The following SYNPR variants were observed in gnomAD, a reference collection of about 807,000 sequenced individuals.
SYNPR encodes the protein synaptoporin.
SYNPR carries 23 observed loss-of-function variants against 32.9 expected under a neutral mutation model. The ratio of observed to expected loss-of-function variants is 0.70; its 90% CI spans 0.50 to 0.99. The LOEUF is 0.99. SYNPR is among the 50% of genes least tolerant of loss of function. The pLI, the probability that SYNPR is intolerant of heterozygous loss-of-function variation, is 0.00. For missense variants in SYNPR, 318 were observed against 349.3 expected (o/e 0.91, Z 0.71); for synonymous variants, 146 against 135.9 (o/e 1.07, Z -0.52).
intron 2 of SYNPR, among the ~76,000 whole-genome samples, chr3:63,254,190 G>T (rs2086362420): frequency 6.6e-6 from 1 of 152,094 alleles, no homozygotes; most frequent in Non-Finnish European, 1.5e-5. Context: ...AGAGGGAAGG[G>T]ATAGCATTAG....
chr3:63,441,153 G>T (rs1700162879), intron 2 of SYNPR, among the ~76,000 whole-genome samples: 1 of 152,098 alleles, frequency 6.6e-6, no homozygotes, highest in African/African-American at 2.4e-5. Flanking sequence ...TTGGGTCTTG[G>T]TTTTTTCACC....
intron 2 of SYNPR, among the ~76,000 whole-genome samples, chr3:63,263,629 C>T (rs2086457714): frequency 6.6e-6 from 1 of 152,164 alleles, no homozygotes; most frequent in Non-Finnish European, 1.5e-5. Context: ...AGTCACACTT[C>T]CAAAGTTGGT....
At position 63,278,540 on chromosome 3, in the gene SYNPR, C is replaced by G. The variant is rs767160964; in HGVS notation, c.7C>G (p.Pro3Ala). MD[P>A]VSQLASAGTF... ...GAGCGAGCGAGGGCGAGCTATGGACCCTGTGAGTCAGGTGAGACAGAACTG... is the reference window on the plus strand; with the variant it reads ...GAGCGAGCGAGGGCGAGCTATGGACGCTGTGAGTCAGGTGAGACAGAACTG... Residue 3 changes from proline (P) to alanine (A), a missense_variant, in exon 1 of 6, where the codon CCT becomes GCT. Physicochemically the swap from Pro to Ala is conservative, Grantham distance 27. Coordinates refer to ENST00000478300, the MANE Select transcript of SYNPR (RefSeq NM_001130003.2). 6.4e-7 allele frequency: 1 copy of G among 1,550,456 alleles called. No individual in the cohort carries two copies. The highest frequency in any genetic ancestry group is 8.7e-7 in the Non-Finnish European group (1 of 1,146,274).
chr3:63,221,995 C>T, the SYNPR span, among the ~76,000 whole-genome samples: 266 of 82,038 alleles, frequency 3.2e-3, 1 homozygote, highest in African/African-American at 0.01. Flanking sequence ...TGTCTCTGTG[C>T]AAGAGGCCAT....
intron 2 of SYNPR, among the ~76,000 whole-genome samples, chr3:63,407,801 T>A (rs2088381599): frequency 6.6e-6 from 1 of 152,054 alleles, no homozygotes; most frequent in Non-Finnish European, 1.5e-5. Flanking sequence ...AGTGGGTGTC[T>A]GTTTTCCCAC....
intron 2 of SYNPR, among the ~76,000 whole-genome samples, chr3:63,351,965 G>A (rs931824476): frequency 6.6e-6 from 1 of 152,146 alleles, no homozygotes; most frequent in Admixed American, 6.5e-5. Context: ...TCGGCAGCAT[G>A]GGTGCTGTGG....
At chr3:63,453,747 C>G (rs1291885026) in intron 2 of SYNPR, among the ~76,000 whole-genome samples, 2 of 152,066 alleles carry the variant, frequency 1.3e-5, no homozygotes, top group Non-Finnish European at 2.9e-5. Context: ...CGTTTTTGAG[C>G]CTCCGTTTTC....
intron 4 of SYNPR, among the ~76,000 whole-genome samples, chr3:63,598,673 C>A (rs1327593777): frequency 1.3e-5 from 2 of 152,200 alleles, no homozygotes; most frequent in East Asian, 3.9e-4. Flanking sequence ...CCTCCTCTGA[C>A]TATTTTTGGG....
At chr3:63,210,886 T>C in the SYNPR span, among the ~76,000 whole-genome samples, 254 of 152,138 alleles carry the variant, frequency 1.7e-3, 1 homozygote, top group African/African-American at 5.5e-3. Flanking sequence ...GTATACTAAT[T>C]GTAGTTGAAT....
chr3:63,423,578 T>C (rs947200913), intron 2 of SYNPR: 2 of 152,222 alleles, frequency 1.3e-5, no homozygotes, highest in Non-Finnish European at 1.5e-5. Context: ...TAGTCCCAGA[T>C]CTTCCTGGCC....
intron 2 of SYNPR, among the ~76,000 whole-genome samples, chr3:63,304,701 C>T (rs1441315496): frequency 2.0e-5 from 3 of 151,932 alleles, no homozygotes; most frequent in Non-Finnish European, 4.4e-5. Flanking sequence ...GTAAAAACAT[C>T]AGTCTCACTG....
intron 3 of SYNPR, among the ~76,000 whole-genome samples, chr3:63,520,215 C>A (rs1023155605): frequency 3.3e-5 from 5 of 152,232 alleles, no homozygotes; most frequent in South Asian, 4.2e-4. Flanking sequence ...TGTATTTTAA[C>A]ATTATAAACA....
chr3:63,351,249 C>G (rs1204125005), intron 2 of SYNPR, among the ~76,000 whole-genome samples: 1 of 152,176 alleles, frequency 6.6e-6, no homozygotes, highest in Non-Finnish European at 1.5e-5. Flanking sequence ...TTGTGTTGCT[C>G]TTTTCCTCTG....
intron 2 of SYNPR, among the ~76,000 whole-genome samples, chr3:63,288,657 C>G (rs2086709162): frequency 6.6e-6 from 1 of 152,198 alleles, no homozygotes; most frequent in Admixed American, 6.5e-5. Flanking sequence ...TTCCCTCAAA[C>G]CCACATGTAC....
chr3:63,547,371 C>G (rs907380907), intron 3 of SYNPR, among the ~76,000 whole-genome samples: 8 of 152,112 alleles, frequency 5.3e-5, no homozygotes, highest in African/African-American at 1.9e-4. Context: ...GGCCTGTTCT[C>G]AGTCCCTACT....
chr3:63,501,218 C>T (rs1701471204), intron 3 of SYNPR, among the ~76,000 whole-genome samples: 1 of 152,018 alleles, frequency 6.6e-6, no homozygotes, highest in Non-Finnish European at 1.5e-5. Flanking sequence ...GTGGCTCACG[C>T]CTGTAATCTC....
At chr3:63,217,850 G>A in the SYNPR span, among the ~76,000 whole-genome samples, 1 of 152,042 alleles carries the variant, frequency 6.6e-6, no homozygotes, top group South Asian at 2.1e-4. Context: ...AAAAGCATTT[G>A]GTAAACTATT....
intron 2 of SYNPR, among the ~76,000 whole-genome samples, chr3:63,474,117 G>T (rs1299364898): frequency 6.6e-6 from 1 of 152,150 alleles, no homozygotes; most frequent in Non-Finnish European, 1.5e-5. Flanking sequence ...GGAAACTGGG[G>T]CTCGGTCTCA....
chr3:63,563,201 A>T (rs1702722105), intron 4 of SYNPR, among the ~76,000 whole-genome samples: 1 of 152,160 alleles, frequency 6.6e-6, no homozygotes, highest in African/African-American at 2.4e-5. Flanking sequence ...GATAGAGCTT[A>T]ACTCAGGACT....
Sources: gnomAD v4.1 joint callset for allele counts (sites outside exome capture counted in the v4.1 genomes callset) on GRCh38, gnomAD v4.1.1 for gene constraint, MANE v1.5 for transcripts, NCBI Gene and HGNC (gene_info 2026-07-23, HGNC 2026-07-21) for gene names.